Variants in MTX2 observed in about 807,000 individuals in gnomAD.
MTX2 encodes metaxin 2, also known as metaxin-2.
A neutral mutation model predicts 42.3 loss-of-function variants in MTX2; 35 were observed. That is an observed-to-expected ratio of 0.83 (90% CI 0.63 to 1.10). The LOEUF is 1.10. Among genes scored for constraint, MTX2 ranks in the 50% least tolerant of loss-of-function variants. The pLI, the probability that MTX2 is intolerant of heterozygous loss-of-function variation, is 0.00. For synonymous variants in MTX2, 119 were observed against 100.9 expected (o/e 1.18, Z -1.08); for missense variants, 307 against 304.1 (o/e 1.01, Z -0.07).
chr2:176,326,402 G>A (rs913286499), intron 4 of MTX2, among the ~76,000 whole-genome samples: 49 of 151,752 alleles, frequency 3.2e-4, no homozygotes, highest in African/African-American at 1.2e-3. Flanking sequence ...TTTTTTAAAT[G>A]TAGTTTACAA....
At chr2:176,323,304 T>C (rs904171417) in intron 3 of MTX2, 88 bp from the exon 4 acceptor site, 23 of 1,080,582 alleles carry the variant, frequency 2.1e-5, no homozygotes, top group Middle Eastern at 2.9e-4. Flanking sequence ...TATGAAACTA[T>C]TCAGTTTAGA....
intron 3 of MTX2, among the ~76,000 whole-genome samples, chr2:176,311,105 T>C (rs1204533697): frequency 3.3e-5 from 5 of 152,190 alleles, no homozygotes; most frequent in Non-Finnish European, 7.3e-5. Context: ...TTTTTATTGA[T>C]GTTGATGGTA....
intron 3 of MTX2, among the ~76,000 whole-genome samples, chr2:176,309,006 C>G (rs1684224739): frequency 6.6e-6 from 1 of 152,118 alleles, no homozygotes; most frequent in South Asian, 2.1e-4. Context: ...TTAGAACTTT[C>G]CTGCTTTCTC....
At chr2:176,290,631 A>G (rs1161741612) in intron 1 of MTX2, among the ~76,000 whole-genome samples, 1 of 152,042 alleles carries the variant, frequency 6.6e-6, no homozygotes. Flanking sequence ...TGATTCATAG[A>G]TTTACATATG....
intron 9 of MTX2, among the ~76,000 whole-genome samples, chr2:176,335,171 CCTT>C (rs988864464): frequency 6.6e-6 from 1 of 151,982 alleles, no homozygotes; most frequent in African/African-American, 2.4e-5. Context: ...GCCATTTAAA[CCTT>C]ATTCTAAAAA....
chr2:176,297,552 A>G (rs1683918406), intron 2 of MTX2, among the ~76,000 whole-genome samples: 1 of 152,162 alleles, frequency 6.6e-6, no homozygotes, highest in Non-Finnish European at 1.5e-5. Flanking sequence ...ACCAGATTTT[A>G]CTTAATTTTA....
At chr2:176,329,485 T>C in intron 8 of MTX2, 59 bp downstream of exon 8, 1 of 1,479,382 alleles carries the variant, frequency 6.8e-7, no homozygotes, top group Non-Finnish European at 9.1e-7. Context: ...AGAATCATTC[T>C]TTATATTGAT....
chr2:176,308,620 G>GA (rs1426138023), intron 3 of MTX2, among the ~76,000 whole-genome samples: 1 of 152,150 alleles, frequency 6.6e-6, no homozygotes, highest in Non-Finnish European at 1.5e-5. Flanking sequence ...TTAGTCTTGG[G>GA]AGGGTGTATG....
intron 3 of MTX2, among the ~76,000 whole-genome samples, chr2:176,319,690 C>T (rs1264142020): frequency 6.6e-6 from 1 of 151,974 alleles, no homozygotes; most frequent in Non-Finnish European, 1.5e-5. Flanking sequence ...ATTCTCCTGC[C>T]TCACCCTTCT....
intron 3 of MTX2, among the ~76,000 whole-genome samples, chr2:176,308,727 C>T (rs1276454449): frequency 1.3e-5 from 2 of 152,098 alleles, no homozygotes; most frequent in Non-Finnish European, 2.9e-5. Flanking sequence ...TCTTTGGGAT[C>T]GTTGGTGATA....
At chr2:176,325,965 G>A (rs1324249664) in intron 4 of MTX2, among the ~76,000 whole-genome samples, 1 of 145,676 alleles carries the variant, frequency 6.9e-6, no homozygotes, top group Non-Finnish European at 1.5e-5. Context: ...CAGGCTGACG[G>A]AGCCAGAGAG....
chr2:176,317,329 A>T (rs900175367), intron 3 of MTX2, among the ~76,000 whole-genome samples: 14 of 151,640 alleles, frequency 9.2e-5, no homozygotes, highest in Non-Finnish European at 1.8e-4. Context: ...GTTCTTGTGC[A>T]AGTACTTGGC....
intron 3 of MTX2, among the ~76,000 whole-genome samples, chr2:176,298,475 A>G (rs1282552605): frequency 6.6e-6 from 1 of 152,134 alleles, no homozygotes; most frequent in Non-Finnish European, 1.5e-5. Flanking sequence ...TCCAAAAAAA[A>G]TTAGTGCCCC....
chr2:176,282,930 C>T (rs149253878), intron 1 of MTX2, among the ~76,000 whole-genome samples: 1 of 152,142 alleles, frequency 6.6e-6, no homozygotes, highest in Non-Finnish European at 1.5e-5. Flanking sequence ...TCTCGAACTG[C>T]TGACCTGGTG....
At chr2:176,324,515 A>C (rs1256485484) in intron 4 of MTX2, among the ~76,000 whole-genome samples, 1 of 151,678 alleles carries the variant, frequency 6.6e-6, no homozygotes, top group Non-Finnish European at 1.5e-5. Flanking sequence ...CGTAGATTTT[A>C]GGAACTACAG....
chr2:176,326,971 A>ACTG, intron 5 of MTX2, 70 bp downstream of exon 5: 1 of 845,418 alleles, frequency 1.2e-6, no homozygotes, highest in South Asian at 2.2e-5. Context: ...GTGTCTTAAC[A>ACTG]TTTACATTGA....
At chr2:176,320,785 C>T (rs1284619127) in intron 3 of MTX2, among the ~76,000 whole-genome samples, 1 of 151,552 alleles carries the variant, frequency 6.6e-6, no homozygotes, top group Admixed American at 6.6e-5. Context: ...GCCTTGACCT[C>T]CCAGGTTCAA....
intron 3 of MTX2, among the ~76,000 whole-genome samples, chr2:176,321,052 C>T (rs954174275): frequency 1.3e-5 from 2 of 152,066 alleles, no homozygotes; most frequent in Admixed American, 6.6e-5. Flanking sequence ...TTCAGCCTAT[C>T]TCCATTATTT....
At chr2:176,291,665 C>T (rs1203864564) in intron 1 of MTX2, among the ~76,000 whole-genome samples, 4 of 152,024 alleles carry the variant, frequency 2.6e-5, no homozygotes, top group East Asian at 1.9e-4. Context: ...TATCCACTTT[C>T]AAGACTGAGA....
Sources: gnomAD v4.1 joint callset for allele counts (sites outside exome capture counted in the v4.1 genomes callset) on GRCh38, gnomAD v4.1.1 for gene constraint, MANE v1.5 for transcripts, NCBI Gene and HGNC (gene_info 2026-07-23, HGNC 2026-07-21) for gene names.